Variants in PTPA observed in about 807,000 individuals in gnomAD.
The protein encoded by PTPA is serine/threonine-protein phosphatase 2A activator.
Under a neutral mutation model 43.6 loss-of-function variants are expected in PTPA, and 13 were observed. That is an observed-to-expected ratio of 0.30 (90% CI 0.19 to 0.47). The LOEUF is 0.47. Ranked by LOEUF, PTPA falls within the 20% of genes least tolerant of loss-of-function variation. The probability of loss-of-function intolerance (pLI) is 0.99; values close to 1 mark genes in which losing one functional copy is unlikely to be tolerated. For missense variants in PTPA, 329 were observed against 411.9 expected, an observed-to-expected ratio of 0.80 and a Z score of 1.74; for synonymous variants, 172 against 158.2, an observed-to-expected ratio of 1.09 and a Z score of -0.66.
intron 3 of PTPA, 21 bp downstream of exon 3, chr9:129,123,159 C>T (rs775412782): frequency 8.9e-6 from 14 of 1,572,144 alleles, no homozygotes; most frequent in Non-Finnish European, 1.2e-5. Flanking sequence ...GGAGGAGCTG[C>T]TGCAGCAGCC....
chr9:129,145,701 A>T (rs1360172), intron 9 of PTPA, among the ~76,000 whole-genome samples: 2 of 151,930 alleles, frequency 1.3e-5, no homozygotes, highest in Non-Finnish European at 1.5e-5. Context: ...AAGTGCTCTC[A>T]GGGGCCTTGT....
At chr9:129,145,363 C>G (rs894826398) in intron 9 of PTPA, among the ~76,000 whole-genome samples, 1 of 152,182 alleles carries the variant, frequency 6.6e-6, no homozygotes, top group East Asian at 1.9e-4. Context: ...CAAGTCTTTG[C>G]AGTGTTCAAC....
At chr9:129,122,861 C>T (rs1849338138) in intron 2 of PTPA, among the ~76,000 whole-genome samples, 191 bp from the exon 3 acceptor site, 1 of 152,136 alleles carries the variant, frequency 6.6e-6, no homozygotes, top group South Asian at 2.1e-4. Context: ...CACTGTCTTG[C>T]CAGCTTTTCT....
upstream of PTPA, chr9:129,111,189 AGGAGACTGTCCCGG>A (rs1291910135): frequency 1.8e-6 from 2 of 1,113,682 alleles, no homozygotes; most frequent in Non-Finnish European, 2.4e-6. Context: ...ACTCCGGGAC[AGGAGACTGTCCCGG>A]AAAAACATGG....
Position 129,129,001 on chromosome 9 carries a change from T to G in PTPA, c.233T>G (p.Val78Gly). ...CCTCCACAGGCCATTGAGAAACTAGTCGCTCTTCTCAACACGCTGGACAGG... is the reference window on the plus strand; with the variant it reads ...CCTCCACAGGCCATTGAGAAACTAGGCGCTCTTCTCAACACGCTGGACAGG... ...YRVSEAIEKL[V>G]ALLNTLDRWI... The change falls in exon 4 of 10, where the codon GTC (valine) becomes GGC (glycine). Residue 78 changes from valine (V) to glycine (G), a missense_variant. Coordinates refer to ENST00000393370, the MANE Select transcript of PTPA (RefSeq NM_178000.3). 1 of 1,613,204 alleles carries G rather than the reference T, an allele frequency of 6.2e-7. No individual in the cohort carries two copies.
chr9:129,118,713 C>T (rs1003976473), intron 1 of PTPA, among the ~76,000 whole-genome samples: 4 of 151,430 alleles, frequency 2.6e-5, no homozygotes, highest in African/African-American at 7.3e-5. Flanking sequence ...TGGGGTCTCG[C>T]TGTGTTGCCC....
At position 129,123,061 on chromosome 9, in the gene PTPA, G is replaced by T; in HGVS notation, c.139G>T (p.Asp47Tyr). The T allele has an allele frequency of 1.2e-6, 2 of 1,610,026 alleles. No individual in the cohort carries two copies. Among genetic ancestry groups the T allele is most frequent in the South Asian group, 1.1e-5 (1 of 91,008 alleles). Residue 47 changes from aspartate to tyrosine, a missense_variant, in exon 3 of 10, where the codon GAC (aspartate) becomes TAC (tyrosine). Asp to Tyr is a radical substitution (Grantham distance 160). Transcript: ENST00000393370. The stretch of plus-strand genomic sequence containing the variant: ...CCTCTCTGTTTGGTAGGCATACGCT[G>T]ACTACATCGGATTCATCCTTACCCT... The part of the protein sequence containing the change: ...GKWKRSQAYA[D>Y]YIGFILTLNE...
intron 3 of PTPA, among the ~76,000 whole-genome samples, chr9:129,123,547 A>G (rs1849393485): frequency 6.6e-6 from 1 of 152,124 alleles, no homozygotes; most frequent in South Asian, 2.1e-4. Context: ...AAGATCGCCC[A>G]AATACATGTG....
At chr9:129,129,186 G>T in intron 4 of PTPA, 76 bp downstream of exon 4, 1 of 1,563,940 alleles carries the variant, frequency 6.4e-7, no homozygotes, top group Non-Finnish European at 8.7e-7. Flanking sequence ...GGAAGGGCCT[G>T]CATTGTATAG....
At chr9:129,124,543 T>G (rs569695025) in intron 3 of PTPA, among the ~76,000 whole-genome samples, 1 of 152,196 alleles carries the variant, frequency 6.6e-6, no homozygotes, top group African/African-American at 2.4e-5. Context: ...TGGGTGCTTT[T>G]TGGACGTTGT....
chr9:129,136,379 AT>A, intron 6 of PTPA, 91 bp from the exon 7 acceptor site: 1 of 1,384,892 alleles, frequency 7.2e-7, no homozygotes, highest in Non-Finnish European at 9.8e-7. Flanking sequence ...TTCAGTGGTT[AT>A]TTTGGGGTCT....
chr9:129,129,204 A>C (rs879420534), intron 4 of PTPA, 94 bp downstream of exon 4: 16 of 1,471,302 alleles, frequency 1.1e-5, no homozygotes, highest in Admixed American at 6.5e-5. Context: ...TAGCGCTTCT[A>C]GGCATATACA....
Position 129,147,796 on chromosome 9 carries a change from G to A in PTPA, c.*332G>A, listed in dbSNP as rs928686206. The A allele has an allele frequency of 6.5e-5, 21 of 324,814 alleles. No homozygotes were observed. The highest frequency in any genetic ancestry group is 4.5e-4 in the African/African-American group (21 of 46,332). 20.1% of individuals were successfully genotyped at this position (324,814 alleles called of 1,614,324 possible). ...CCGTCCAGTCTGGTTTTGAGAGCAG[G>A]GGCTGTTCTGCAGCACCGCAGGGAA... is the stretch of plus-strand genomic sequence containing the variant. On this transcript the variant is annotated 3_prime_UTR_variant, in exon 10 of 10. Coordinates refer to ENST00000393370, the MANE Select transcript of PTPA (RefSeq NM_178000.3).
chr9:129,122,954 G>A, intron 2 of PTPA, 98 bp from the exon 3 acceptor site: 1 of 889,964 alleles, frequency 1.1e-6, no homozygotes, highest in Admixed American at 1.9e-5. Flanking sequence ...GAAGTAGAAA[G>A]CTCGGAGCTC....
rs540784701 is a variant in PTPA, at chr9:129,131,083, CT to C, written c.343-435del. On this transcript the variant is annotated intron_variant, in intron 4 of 9. Transcript: ENST00000393370. ...ATGGACATTTCCATTGCATTTCCAC[CT>C]TTTGGCTACTCTAAACAGTGCTGTT... Among the ~76,000 whole-genome samples the C allele has an allele frequency of 9.8e-5, 11 of 112,076 alleles. No individual in the cohort carries two copies. In the East Asian group the frequency reaches 2.8e-3, roughly 29 times the overall value. 73.5% of individuals were successfully genotyped at this position (112,076 alleles called of 152,430 possible).
At chr9:129,112,122 A>C (rs1352638648) in intron 1 of PTPA, among the ~76,000 whole-genome samples, 1 of 151,230 alleles carries the variant, frequency 6.6e-6, no homozygotes, top group African/African-American at 2.4e-5. Context: ...TCATCCTCCT[A>C]CTCTCTGGTT....
At chr9:129,143,645 C>G (rs1294088788) in intron 9 of PTPA, 1 of 544,040 alleles carries the variant, frequency 1.8e-6, no homozygotes. Flanking sequence ...CGGGCCCTCA[C>G]TCCCTTCCGC....
At chr9:129,124,722 A>G (rs1244001585) in intron 3 of PTPA, among the ~76,000 whole-genome samples, 1 of 152,138 alleles carries the variant, frequency 6.6e-6, no homozygotes, top group African/African-American at 2.4e-5. Context: ...TGAGTCTCTT[A>G]TCTCAGACAC....
At chr9:129,116,830 T>C (rs1848911934) in intron 1 of PTPA, among the ~76,000 whole-genome samples, 1 of 152,052 alleles carries the variant, frequency 6.6e-6, no homozygotes, top group African/African-American at 2.4e-5. Context: ...TTCACCTGGC[T>C]AATTTTTAAA....
Sources: gnomAD v4.1 joint callset for allele counts (sites outside exome capture counted in the v4.1 genomes callset) on GRCh38, gnomAD v4.1.1 for gene constraint, MANE v1.5 for transcripts, NCBI Gene and HGNC (gene_info 2026-07-23, HGNC 2026-07-21) for gene names.